Variants in TXNDC11 observed in about 807,000 individuals in gnomAD.
The protein encoded by TXNDC11 is thioredoxin domain containing 11, also known as thioredoxin domain-containing protein 11.
TXNDC11 carries 68 observed loss-of-function variants against 78.0 expected under a neutral mutation model. The observed-to-expected ratio is 0.87, with a 90% CI of 0.72 to 1.07. The LOEUF (loss-of-function observed/expected upper bound fraction) is 1.07, where lower values mean the gene tolerates loss of function less well. Ranked by LOEUF, TXNDC11 falls within the 50% of genes least tolerant of loss-of-function variation. TXNDC11 has a pLI of 0.00. For missense variants in TXNDC11, 1,389 were observed against 1,221.8 expected (o/e 1.14, Z -2.04); for synonymous variants, 571 against 495.2 (o/e 1.15, Z -2.03).
At chr16:11,741,099 C>T (rs1321468685) in intron 1 of TXNDC11, among the ~76,000 whole-genome samples, 1 of 152,114 alleles carries the variant, frequency 6.6e-6, no homozygotes, top group Non-Finnish European at 1.5e-5. Flanking sequence ...TCAACAGTGC[C>T]AAGACGGAGA....
chr16:11,719,725 C>T (rs2051646120), intron 5 of TXNDC11, among the ~76,000 whole-genome samples: 1 of 152,174 alleles, frequency 6.6e-6, no homozygotes, highest in Admixed American at 6.5e-5. Context: ...AACATGGTCC[C>T]TACCCTCAGA....
rs763232325 is a variant in TXNDC11 at position 11,698,307 on chromosome 16, G to C, written c.925C>G (p.Leu309Val). The change falls in exon 7 of 12, where the codon CTG (leucine) becomes GTG (valine). Residue 309 changes from leucine (L) to valine (V), a missense_variant. Physicochemically the swap from Leu to Val is conservative, Grantham distance 32 (BLOSUM62 1). Transcript: ENST00000283033. ...CAGATGTTCTCAGCTGTGTAGTTCA[G>C]GACCTCCCTGGGGAAGACCTGTGAA... The part of the protein sequence containing the change: ...NTSLVFPREV[L>V]NYTAENICKW... 4 of 1,613,508 alleles carry C rather than the reference G, an allele frequency of 2.5e-6. No homozygotes were observed. Among genetic ancestry groups the C allele is most frequent in the Non-Finnish European group, 3.4e-6 (4 of 1,180,028 alleles).
At chr16:11,731,301 T>C (rs1034467854) in intron 3 of TXNDC11, among the ~76,000 whole-genome samples, 5 of 152,218 alleles carry the variant, frequency 3.3e-5, no homozygotes, top group Admixed American at 2.0e-4. Context: ...TGAAGCTTTA[T>C]TACAACAATA....
At chr16:11,702,062 GTGTA>G (rs143857113) in intron 5 of TXNDC11, among the ~76,000 whole-genome samples, 5,967 of 149,180 alleles carry the variant, frequency 0.04, 376 homozygotes, top group African/African-American at 0.14. Flanking sequence ...AGTTATGTGT[GTGTA>G]TGTGTGTGTG....
At chr16:11,726,579 C>CA (rs35512803) in intron 4 of TXNDC11, among the ~76,000 whole-genome samples, 7,111 of 82,662 alleles carry the variant, frequency 0.086, 291 homozygotes, top group South Asian at 0.19. Context: ...GACTCCACCT[C>CA]AAAAAAAAAA....
intron 5 of TXNDC11, among the ~76,000 whole-genome samples, chr16:11,711,518 CCAGTGA>C (rs1309525957): frequency 2.0e-5 from 3 of 152,192 alleles, no homozygotes; most frequent in Non-Finnish European, 4.4e-5. Flanking sequence ...TCCTTCAAAG[CCAGTGA>C]CAACTAGACT....
At chr16:11,695,551 T>C (rs886416749) in intron 7 of TXNDC11, among the ~76,000 whole-genome samples, 1 of 152,194 alleles carries the variant, frequency 6.6e-6, no homozygotes, top group African/African-American at 2.4e-5. Flanking sequence ...CTTCCCACCT[T>C]ACCCAAAGGC....
At chr16:11,730,528 G>T in intron 4 of TXNDC11, 117 bp downstream of exon 4, 1 of 1,051,126 alleles carries the variant, frequency 9.5e-7, no homozygotes, top group Non-Finnish European at 1.4e-6. Flanking sequence ...TCTATCACAT[G>T]ACCTTTTACT....
rs556299544 is a variant in TXNDC11 at position 11,698,127 on chromosome 16, C to T, written c.1105G>A (p.Glu369Lys). 28 of 1,614,182 alleles carry T rather than the reference C, an allele frequency of 1.7e-5. 1 individual carries two copies. In the South Asian group the frequency reaches 2.7e-4, roughly 16 times the overall value. The change falls in exon 7 of 12, where the codon GAG (glutamate) becomes AAG (lysine). Residue 369 changes from glutamate (E) to lysine (K), a missense_variant and splice_region_variant. Physicochemically the swap from Glu to Lys is moderately conservative, Grantham distance 56. Coordinates refer to ENST00000283033, the MANE Select transcript of TXNDC11 (RefSeq NM_015914.7). ...PLAESHPLID[E>K]ITEVALEYNN... ...GCTTTTCACATCACAGCTCTTACCT[C>T]GTCTATTAAAGGATGACTTTCGGCC...
Position 11,679,883 on chromosome 16 carries a change from C to CA in TXNDC11, c.2235-47dup, listed in dbSNP as rs759601959. On this transcript the variant is annotated intron_variant, in intron 11 of 11. Coordinates refer to ENST00000283033, the MANE Select transcript of TXNDC11 (RefSeq NM_015914.7). This position sits in a 1 kb window ranked among gnomAD's most constrained non-coding sequence, Gnocchi z 4.6. ...AGCAAAGACAGGAGTCACACCAACA[C>CA]AATGAGTCCAAAAGCAGGCTGTACC... 4.8e-5 allele frequency: 74 copies of CA among 1,543,228 alleles called. No homozygotes were observed. The highest frequency in any genetic ancestry group is 5.8e-5 in the Non-Finnish European group (66 of 1,130,746).
chr16:11,679,196 T>TA lies in TXNDC11; in HGVS notation c.2875dup (p.Ter959LeufsTer4). 1.2e-6 allele frequency: 2 copies of TA among 1,612,442 alleles called. No individual in the cohort carries two copies. The highest frequency in any genetic ancestry group is 1.7e-6 in the Non-Finnish European group (2 of 1,179,746). ...GATTTCTTCATATCATTTAAAAAGT[T>TA]AGTCTGTCCTGTTCTCCTTATTCCT... On this transcript the variant is annotated frameshift_variant and stop_lost, in exon 12 of 12. Transcript: ENST00000283033. LOFTEE classifies it high-confidence loss of function. This position sits in a 1 kb window ranked among gnomAD's most constrained non-coding sequence, Gnocchi z 4.6.
Position 11,687,933 on chromosome 16 carries a change from C to T in TXNDC11, c.2077G>A (p.Gly693Ser), listed in dbSNP as rs575818459. ...ATGTGATTGAGGGATGGACAGAAGCCGCACCACGGAGCGTAATAGAGCAGG... is the reference window on the plus strand; with the variant it reads ...ATGTGATTGAGGGATGGACAGAAGCTGCACCACGGAGCGTAATAGAGCAGG... ...VLLLYYAPWC[G>S]FCPSLNHIFI... The change falls in exon 10 of 12, where the codon GGC becomes AGC. Residue 693 changes from glycine (G) to serine (S), a missense_variant. Gly to Ser is a moderately conservative substitution (Grantham distance 56, BLOSUM62 0). Coordinates refer to ENST00000283033, the MANE Select transcript of TXNDC11 (RefSeq NM_015914.7). The T allele has an allele frequency of 4.3e-6, 7 of 1,613,836 alleles. No homozygotes were observed. Among genetic ancestry groups the T allele is most frequent in the East Asian group, 2.2e-5 (1 of 44,864 alleles).
rs530162453 is a variant in TXNDC11, at chr16:11,687,669, G to A, written c.2153+188C>T. 7.9e-5 allele frequency among the ~76,000 whole-genome samples: 12 copies of A among 152,322 alleles called. No homozygotes were observed. In the East Asian group the frequency reaches 2.3e-3, roughly 29 times the overall value. On this transcript the variant is annotated intron_variant, in intron 10 of 11. Coordinates refer to ENST00000283033, the MANE Select transcript of TXNDC11 (RefSeq NM_015914.7). ...ATCAACATCATGGAAGGAACACTCAGAATTCATGAGGAAAAGTTCAGTTTC... is the reference window on the plus strand; with the variant it reads ...ATCAACATCATGGAAGGAACACTCAAAATTCATGAGGAAAAGTTCAGTTTC...
rs570337212 is a variant in TXNDC11 at position 11,712,479 on chromosome 16, C to G, written c.793+9098G>C. On this transcript the variant is annotated intron_variant, in intron 5 of 11. Coordinates refer to ENST00000283033, the MANE Select transcript of TXNDC11 (RefSeq NM_015914.7). ...ATTGTGAGCAACCCTACTTCTTGGC[C>G]ACACTGGCTGGTGGCTCCTGCTGAT... 5.3e-5 allele frequency among the ~76,000 whole-genome samples: 8 copies of G among 152,276 alleles called. No individual in the cohort carries two copies. The South Asian group carries it at 1.7e-3, about 32-fold the overall frequency.
intron 5 of TXNDC11, among the ~76,000 whole-genome samples, chr16:11,708,177 G>A (rs558954410): frequency 2.0e-4 from 30 of 152,258 alleles, no homozygotes; most frequent in African/African-American, 7.0e-4. Context: ...TGATGAAAAA[G>A]CAAGATTCAT....
chr16:11,685,299 T>A (rs1163395851), intron 10 of TXNDC11, among the ~76,000 whole-genome samples: 1 of 152,084 alleles, frequency 6.6e-6, no homozygotes, highest in Non-Finnish European at 1.5e-5. Context: ...TGCAGTGAGC[T>A]GTGATTGCAC....
At chr16:11,714,308 G>T (rs2051458839) in intron 5 of TXNDC11, among the ~76,000 whole-genome samples, 1 of 152,174 alleles carries the variant, frequency 6.6e-6, no homozygotes, top group East Asian at 1.9e-4. Context: ...ACAGGCGTGA[G>T]CCACCGTGCC....
In TXNDC11 at chr16:11,728,294, G is replaced by A. The variant is rs181700508; in HGVS notation, c.699+2351C>T. On this transcript the variant is annotated intron_variant, in intron 4 of 11. Transcript: ENST00000283033. ...AGACAAATGGTTTCACAAGTGTCACGATGGGCTTGACTAGTGAGTTGTTTC... is the reference window on the plus strand; with the variant it reads ...AGACAAATGGTTTCACAAGTGTCACAATGGGCTTGACTAGTGAGTTGTTTC... Among the ~76,000 whole-genome samples, 6 of 152,268 alleles carry A rather than the reference G, an allele frequency of 3.9e-5. 1 individual carries two copies. The highest frequency in any genetic ancestry group is 2.1e-4 in the South Asian group (1 of 4,828).
At chr16:11,708,623 T>C (rs77098575) in intron 5 of TXNDC11, among the ~76,000 whole-genome samples, 2,014 of 152,350 alleles carry the variant, frequency 0.013, 14 homozygotes, top group Non-Finnish European at 0.021. Context: ...GAAAAATGCT[T>C]ATAAAGGTAA....
Sources: allele counts gnomAD v4.1 joint callset (sites outside exome capture counted in the v4.1 genomes callset), GRCh38; gene constraint gnomAD v4.1.1; non-coding constraint Gnocchi (gnomAD v3.1); transcripts MANE v1.5; gene names NCBI Gene and HGNC (gene_info 2026-07-23, HGNC 2026-07-21).